The following ANKRD30A variants were observed in gnomAD, a reference collection of about 807,000 sequenced individuals.
ANKRD30A encodes the protein ankyrin repeat domain-containing protein 30A.
ANKRD30A carries 170 observed loss-of-function variants against 166.3 expected under a neutral mutation model. The ratio of observed to expected loss-of-function variants is 1.02; its 90% CI spans 0.90 to 1.16. The LOEUF (loss-of-function observed/expected upper bound fraction) is 1.16, where lower values mean the gene tolerates loss of function less well. Ranked by LOEUF, ANKRD30A falls within the 50% of genes most tolerant of loss-of-function variation. The pLI is 0.00. For missense variants in ANKRD30A, 1,630 were observed against 1,518.0 expected (o/e 1.07, Z -1.23); for synonymous variants, 564 against 508.9 (o/e 1.11, Z -1.46).
chr10:37,238,068 G>A, the ANKRD30A span, among the ~76,000 whole-genome samples: 2 of 152,112 alleles, frequency 1.3e-5, no homozygotes, highest in African/African-American at 4.8e-5. Context: ...CAGTAAAGGT[G>A]GAGCCATCAA....
intron 31 of ANKRD30A, among the ~76,000 whole-genome samples, chr10:37,203,024 G>T (rs938825458): frequency 5.9e-5 from 9 of 152,120 alleles, no homozygotes; most frequent in African/African-American, 2.2e-4. Context: ...GTCCAGGACT[G>T]GACAGATTCC....
intron 9 of ANKRD30A, among the ~76,000 whole-genome samples, chr10:37,148,645 C>CAGA (rs1265413613): frequency 6.6e-6 from 1 of 151,832 alleles, no homozygotes; most frequent in African/African-American, 2.4e-5. Flanking sequence ...CAGAGACTAC[C>CAGA]AGAAGCAGGA....
At chr10:37,232,703 G>T (rs1447582311), downstream of ANKRD30A, 655 of 78,394 alleles carry the variant, frequency 8.4e-3, 1 homozygote, top group South Asian at 0.017. Flanking sequence ...TAAATAGAGA[G>T]AGAGAGAGAG....
At chr10:37,246,387 T>C in the ANKRD30A span, among the ~76,000 whole-genome samples, 52 of 152,336 alleles carry the variant, frequency 3.4e-4, no homozygotes, top group African/African-American at 1.2e-3. Flanking sequence ...TTTTTATTCA[T>C]TGCTACTTTT....
In ANKRD30A at chr10:37,162,649, A is replaced by C; in HGVS notation, c.1901A>C (p.Glu634Ala). Reference sequence around the variant, plus strand: ...ATGATAAATCTCTTTTGCTTTTTAGAGCCTCCGGGGAAGCCATCTGCCTTC... The same window carrying C: ...ATGATAAATCTCTTTTGCTTTTTAGCGCCTCCGGGGAAGCCATCTGCCTTC... ...ELKDMQTFKA[E>A]PPGKPSAFEP... Residue 634 changes from glutamate to alanine, a missense_variant and splice_region_variant, in exon 16 of 36, where the codon GAG becomes GCG. Glu to Ala is a moderately radical substitution (Grantham distance 107, BLOSUM62 -1). This residue lies in a region of ANKRD30A where 904 missense variants were observed against 818.5 expected (regional missense o/e 1.10). Transcript: ENST00000361713. The C allele has an allele frequency of 6.2e-7, 1 of 1,612,148 alleles. No homozygotes were observed.
At chr10:37,201,761 C>T (rs1375676246) in intron 31 of ANKRD30A, among the ~76,000 whole-genome samples, 1 of 151,836 alleles carries the variant, frequency 6.6e-6, no homozygotes, top group Non-Finnish European at 1.5e-5. Context: ...CAAAATTTAC[C>T]AGAGAATTAC....
chr10:37,136,813 ATGTG>A (rs1554807834), intron 6 of ANKRD30A, 142 bp downstream of exon 6: 34 of 272,158 alleles, frequency 1.2e-4, no homozygotes, highest in Middle Eastern at 7.9e-4. Flanking sequence ...GGGTGTGTGT[ATGTG>A]TGTGTGTGTG....
At chr10:37,143,918 T>C (rs1421512588) in intron 7 of ANKRD30A, among the ~76,000 whole-genome samples, 2 of 150,210 alleles carry the variant, frequency 1.3e-5, no homozygotes, top group Non-Finnish European at 3.0e-5. Context: ...CTATAGTCTT[T>C]TTTTTTTTTT....
At chr10:37,213,038 G>C (rs1422028962) in intron 31 of ANKRD30A, among the ~76,000 whole-genome samples, 1 of 151,836 alleles carries the variant, frequency 6.6e-6, no homozygotes, top group Non-Finnish European at 1.5e-5. Context: ...TCAAGAGCTA[G>C]TTTGGCTAGA....
rs867762900 is a variant in ANKRD30A at position 37,225,030 on chromosome 10, T to G, written c.4185+5133T>G. Among the ~76,000 whole-genome samples, 3 of 151,626 alleles carry G rather than the reference T, an allele frequency of 2.0e-5. No individual in the cohort carries two copies. The South Asian group carries it at 6.2e-4, about 31-fold the overall frequency. On this transcript the variant is annotated intron_variant, in intron 34 of 35. Transcript: ENST00000361713. Reference sequence around the variant, plus strand: ...CTGATCTCTGAGTAAAAATTCGTATTTAATAATACGCTAGTGTTTTATATT... The same window carrying G: ...CTGATCTCTGAGTAAAAATTCGTATGTAATAATACGCTAGTGTTTTATATT...
At chr10:37,217,915 C>A in intron 33 of ANKRD30A, 37 bp downstream of exon 33, 2 of 1,396,860 alleles carry the variant, frequency 1.4e-6, no homozygotes, top group Non-Finnish European at 9.6e-7. Context: ...ATATTTCTAA[C>A]TTTATTTCAT....
Position 37,133,931 on chromosome 10 carries a change from T to G in ANKRD30A, c.633T>G (p.Leu211=). 1 of 1,614,048 alleles carries G rather than the reference T, an allele frequency of 6.2e-7. No homozygotes were observed. ...VNKYKCTALM[L]AVCHGSSEIV... ...GTTATTTTAGCACAGCCCTCATGCT[T>G]GCTGTATGTCATGGATCATCAGAGA... Residue 211 remains leucine (L), a synonymous_variant, in exon 5 of 36, where the codon CTT becomes CTG. Coordinates refer to ENST00000361713, the MANE Select transcript of ANKRD30A (RefSeq NM_052997.3).
chr10:37,248,142 A>C, the ANKRD30A span: 184 of 619,530 alleles, frequency 3.0e-4, no homozygotes, highest in African/African-American at 3.0e-3. Flanking sequence ...GCCTCCTTTC[A>C]CTCTGGGAGT....
In ANKRD30A at chr10:37,216,264, C is replaced by T. The variant is rs1200875; in HGVS notation, c.2953C>T (p.Arg985Cys). ...RELQKDHCEQ[R>C]TGKMEQMKKK... is the part of the protein sequence containing the mutation. ...ACTTCAAAAAGATCACTGTGAACAA[C>T]GTACAGGAAAAATGGAACAAATGAA... is the stretch of plus-strand genomic sequence containing the variant. Residue 985 changes from arginine (R) to cysteine (C), a missense_variant, in exon 32 of 36, where the codon CGT becomes TGT. This residue lies in a region of ANKRD30A where 712 missense variants were observed against 629.3 expected (regional missense o/e 1.13). Transcript: ENST00000361713. The T allele has an allele frequency of 0.22, 346,562 of 1,606,014 alleles. 40,498 individuals carry two copies. The highest frequency in any genetic ancestry group is 0.29 in the Admixed American group (16,991 of 59,524).
In ANKRD30A at chr10:37,219,648, C is replaced by T. The variant is rs766948732; in HGVS notation, c.3936C>T (p.His1312=). The change falls in exon 34 of 36, where the codon CAC becomes CAT. Residue 1312 remains histidine (H), a synonymous_variant. Transcript: ENST00000361713. ...ACGAACAAGATAATGTGAACAAACA[C>T]ACTGAACAGCAGGAGTCTCTAGATC... ...YQNEQDNVNK[H]TEQQESLDQK... is the part of the protein sequence containing the mutation. 1.2e-6 allele frequency: 2 copies of T among 1,609,850 alleles called. No homozygotes were observed. The highest frequency in any genetic ancestry group is 1.7e-6 in the Non-Finnish European group (2 of 1,177,474).
At chr10:37,178,559 G>C in intron 24 of ANKRD30A, 1 of 979,338 alleles carries the variant, frequency 1.0e-6, no homozygotes, top group Non-Finnish European at 1.2e-6. Flanking sequence ...AGAGCAACTG[G>C]ATAGAAGGTC....
chr10:37,146,296 A>C (rs1379977551), intron 8 of ANKRD30A, among the ~76,000 whole-genome samples: 1 of 152,146 alleles, frequency 6.6e-6, no homozygotes, highest in Non-Finnish European at 1.5e-5. Context: ...TGATTATTTT[A>C]AGCCCATTTA....
chr10:37,196,357 AT>A (rs1841107303), intron 27 of ANKRD30A, among the ~76,000 whole-genome samples: 1 of 152,030 alleles, frequency 6.6e-6, no homozygotes, highest in Non-Finnish European at 1.5e-5. Flanking sequence ...AAATATATAT[AT>A]TTTGTTGATG....
At chr10:37,211,336 A>G (rs1173617622) in intron 31 of ANKRD30A, among the ~76,000 whole-genome samples, 1 of 151,518 alleles carries the variant, frequency 6.6e-6, no homozygotes, top group African/African-American at 2.4e-5. Context: ...TCCTGTGTCC[A>G]TGTGTTCTCA....
Sources: gnomAD v4.1 joint callset for allele counts (sites outside exome capture counted in the v4.1 genomes callset) on GRCh38, gnomAD v4.1.1 for gene constraint, gnomAD v4.1.1 regional missense constraint, MANE v1.5 for transcripts, NCBI Gene and HGNC (gene_info 2026-07-23, HGNC 2026-07-21) for gene names.